CDK14: variants seen among roughly 807,000 people sequenced by gnomAD.
CDK14 encodes cyclin dependent kinase 14.
Under a neutral mutation model 60.7 loss-of-function variants are expected in CDK14, and 34 were observed. The ratio of observed to expected loss-of-function variants is 0.56; its 90% CI spans 0.43 to 0.75. CDK14 has a LOEUF of 0.75. Among genes scored for constraint, CDK14 ranks in the 30% least tolerant of loss-of-function variants. The probability of loss-of-function intolerance (pLI) is 0.00; values close to 1 mark genes in which losing one functional copy is unlikely to be tolerated. For synonymous variants in CDK14, 197 were observed against 203.7 expected, an observed-to-expected ratio of 0.97 and a Z score of 0.28; for missense variants, 482 against 564.1, an observed-to-expected ratio of 0.85 and a Z score of 1.47.
At chr7:90,928,195 G>A (rs1396522684) in intron 8 of CDK14, among the ~76,000 whole-genome samples, 2 of 152,064 alleles carry the variant, frequency 1.3e-5, no homozygotes, top group South Asian at 2.1e-4. Context: ...TGTTATTACC[G>A]AACGTCTGAA....
intron 7 of CDK14, among the ~76,000 whole-genome samples, chr7:90,902,578 T>A (rs527624993): frequency 6.6e-6 from 1 of 152,082 alleles, no homozygotes; most frequent in Non-Finnish European, 1.5e-5. Context: ...ACAAGACTTA[T>A]TTTTCACCGT....
At chr7:91,017,113 G>C (rs1278368522) in intron 10 of CDK14, among the ~76,000 whole-genome samples, 1 of 152,060 alleles carries the variant, frequency 6.6e-6, no homozygotes, top group African/African-American at 2.4e-5. Flanking sequence ...AAGTACACAG[G>C]TCTATTTTCT....
chr7:91,158,544 T>C (rs947787442), intron 14 of CDK14, among the ~76,000 whole-genome samples: 6 of 152,186 alleles, frequency 3.9e-5, no homozygotes, highest in Non-Finnish European at 7.3e-5. Flanking sequence ...ACTTCCAGAC[T>C]CATTACAATG....
intron 8 of CDK14, among the ~76,000 whole-genome samples, chr7:90,944,927 A>G (rs1035806555): frequency 6.6e-6 from 1 of 152,202 alleles, no homozygotes; most frequent in African/African-American, 2.4e-5. Context: ...AAGCTTCTGG[A>G]GGCCTTGGCC....
At chr7:90,889,482 C>A (rs1381181892) in intron 6 of CDK14, among the ~76,000 whole-genome samples, 1 of 152,114 alleles carries the variant, frequency 6.6e-6, no homozygotes, top group Non-Finnish European at 1.5e-5. Context: ...CAGCTGAAAT[C>A]ATTTAGACAG....
chr7:90,637,847 G>T (rs181796389), intron 2 of CDK14, among the ~76,000 whole-genome samples: 9 of 150,092 alleles, frequency 6.0e-5, no homozygotes, highest in Non-Finnish European at 7.4e-5. Context: ...ATTTAGGATA[G>T]TTAGCTGCTC....
intron 2 of CDK14, among the ~76,000 whole-genome samples, chr7:90,690,782 A>T (rs1193631506): frequency 6.6e-6 from 1 of 152,302 alleles, no homozygotes; most frequent in African/African-American, 2.4e-5. Flanking sequence ...ATATATAGCA[A>T]ATGTAGAGAA....
intron 11 of CDK14, among the ~76,000 whole-genome samples, chr7:91,069,538 A>G (rs1267883268): frequency 6.6e-6 from 1 of 152,106 alleles, no homozygotes; most frequent in African/African-American, 2.4e-5. Flanking sequence ...ATCTCTAAAA[A>G]AATTTAAATT....
intron 10 of CDK14, among the ~76,000 whole-genome samples, chr7:91,038,888 A>G (rs1797005014): frequency 2.0e-5 from 3 of 152,178 alleles, no homozygotes; most frequent in African/African-American, 4.8e-5. Flanking sequence ...GCCTTCCGCC[A>G]TGATTGTGAG....
intron 14 of CDK14, among the ~76,000 whole-genome samples, chr7:91,152,725 A>T (rs184903280): frequency 2.0e-4 from 31 of 152,340 alleles, no homozygotes; most frequent in Admixed American, 3.9e-4. Flanking sequence ...TATAGGTAGG[A>T]AGTGCTGTAG....
At chr7:91,163,536 A>G (rs887051663) in intron 14 of CDK14, among the ~76,000 whole-genome samples, 1 of 152,230 alleles carries the variant, frequency 6.6e-6, no homozygotes, top group Non-Finnish European at 1.5e-5. Context: ...ATGATTTGAT[A>G]CATGCATACA....
intron 2 of CDK14, among the ~76,000 whole-genome samples, chr7:90,647,585 C>T (rs901742380): frequency 6.6e-6 from 1 of 151,438 alleles, no homozygotes; most frequent in Non-Finnish European, 1.5e-5. Context: ...CGAGTTAAAA[C>T]TTCATGGGCA....
chr7:90,753,959 A>G (rs35070807), intron 4 of CDK14, among the ~76,000 whole-genome samples: 65 of 152,206 alleles, frequency 4.3e-4, no homozygotes, highest in Non-Finnish European at 8.1e-4. Context: ...ACTACAAAAC[A>G]TTGCTGAAAG....
At chr7:90,735,280 A>C (rs1408707728) in intron 3 of CDK14, among the ~76,000 whole-genome samples, 1 of 152,156 alleles carries the variant, frequency 6.6e-6, no homozygotes, top group Admixed American at 6.5e-5. Flanking sequence ...GTCAGGATAC[A>C]TGGGGTTCAG....
chr7:90,819,189 C>A (rs1426283698), intron 5 of CDK14, among the ~76,000 whole-genome samples: 1 of 152,030 alleles, frequency 6.6e-6, no homozygotes. Flanking sequence ...AAGTATAATG[C>A]AAAAGCAGAT....
intron 7 of CDK14, among the ~76,000 whole-genome samples, chr7:90,910,958 AGT>A (rs1792877302): frequency 6.6e-6 from 1 of 151,966 alleles, no homozygotes; most frequent in Non-Finnish European, 1.5e-5. Context: ...GGTAGGCCAC[AGT>A]GTGTGTTTTT....
intron 10 of CDK14, among the ~76,000 whole-genome samples, chr7:90,996,067 TCA>T (rs1795673928): frequency 6.6e-6 from 1 of 152,312 alleles, no homozygotes; most frequent in African/African-American, 2.4e-5. Flanking sequence ...CCTTTGTTTC[TCA>T]CAGAGATACT....
At chr7:90,598,704 A>T (rs1425062691) in intron 1 of CDK14, among the ~76,000 whole-genome samples, 49 of 87,892 alleles carry the variant, frequency 5.6e-4, no homozygotes, top group Non-Finnish European at 6.4e-4. Context: ...TTATCTAAGG[A>T]TTTTTTTTTT....
intron 3 of CDK14, 24 bp downstream of exon 3, chr7:90,726,836 C>T (rs935891695): frequency 2.2e-5 from 35 of 1,611,410 alleles, no homozygotes; most frequent in Non-Finnish European, 3.0e-5. Flanking sequence ...TTTTGTTTAT[C>T]ACTGGGTAAA....
Sources: gnomAD v4.1 joint callset for allele counts (sites outside exome capture counted in the v4.1 genomes callset) on GRCh38, gnomAD v4.1.1 for gene constraint, MANE v1.5 for transcripts, NCBI Gene and HGNC (gene_info 2026-07-23, HGNC 2026-07-21) for gene names.